Variants in SNW1 observed in about 807,000 individuals in gnomAD.
SNW1 encodes the protein SNW domain containing 1, also known as SNW domain-containing protein 1.
A neutral mutation model predicts 75.6 loss-of-function variants in SNW1; 9 were observed. The ratio of observed to expected loss-of-function variants is 0.12; its 90% confidence interval spans 0.07 to 0.21. The LOEUF (loss-of-function observed/expected upper bound fraction) is 0.21. Ranked by LOEUF, SNW1 falls within the 10% of genes least tolerant of loss-of-function variation. The pLI is 1.00. For synonymous variants in SNW1, 200 were observed against 219.1 expected (o/e 0.91, Z 0.77); for missense variants, 409 against 670.9 (o/e 0.61, Z 4.31).
At chr14:77,758,334 A>AAAG (rs1302064212) in intron 1 of SNW1, among the ~76,000 whole-genome samples, 1 of 148,962 alleles carries the variant, frequency 6.7e-6, no homozygotes, top group Non-Finnish European at 1.5e-5. Flanking sequence ...AAAAAAAAAA[A>AAAG]AAGAACAAAT....
intron 3 of SNW1, among the ~76,000 whole-genome samples, chr14:77,748,186 T>C (rs2139925835): frequency 6.6e-6 from 1 of 152,302 alleles, no homozygotes; most frequent in Non-Finnish European, 1.5e-5. Flanking sequence ...CAAGATGTGC[T>C]TTGTTAAACA....
rs768567088 is a variant in SNW1, at chr14:77,718,512, C to T, written c.1267G>A (p.Ala423Thr). The T allele has an allele frequency of 7.4e-6, 12 of 1,611,342 alleles. No homozygotes were observed. The African/African-American group carries it at 1.1e-4, about 14-fold the overall frequency. ...TTATAAATTTCATCTTCTCCACCTG[C>T]AAATCCACTGTCCATACCCTGTGGA... ...NQSKGMDSGF[A>T]GGEDEIYNVY... Residue 423 changes from alanine to threonine, a missense_variant, in exon 13 of 14, where the codon GCA becomes ACA. Ala to Thr is a moderately conservative substitution (Grantham distance 58, BLOSUM62 0). This residue lies in a region of SNW1 where 126 missense variants were observed against 167.6 expected (regional missense o/e 0.75). Coordinates refer to ENST00000261531, the MANE Select transcript of SNW1 (RefSeq NM_012245.3).
chr14:77,722,164 CAG>C (rs2139892676), intron 11 of SNW1, among the ~76,000 whole-genome samples: 1 of 152,334 alleles, frequency 6.6e-6, no homozygotes, highest in African/African-American at 2.4e-5. Flanking sequence ...AACCCTCACT[CAG>C]AATTCCACCT....
Position 77,751,400 on chromosome 14 carries a change from C to T in SNW1, c.249G>A (p.Ser83=), listed in dbSNP as rs370250547. 1.2e-4 allele frequency: 193 copies of T among 1,613,738 alleles called. 2 individuals are homozygous for T. In the South Asian group the frequency reaches 1.8e-3, roughly 15 times the overall value. ...PLDMGRKKKM[S]NALAIQVDSE... Reference sequence around the variant, plus strand: ...AATCCACCTGAATGGCCAGCGCATTCGACATTTTTTTCTTTCGTCCCATAT... The same window carrying T: ...AATCCACCTGAATGGCCAGCGCATTTGACATTTTTTTCTTTCGTCCCATAT... Residue 83 remains serine (S), a synonymous_variant, in exon 3 of 14, where the codon TCG becomes TCA. Coordinates refer to ENST00000261531, the MANE Select transcript of SNW1 (RefSeq NM_012245.3).
chr14:77,739,142 G>A, intron 3 of SNW1, 81 bp from the exon 4 acceptor site: 1 of 947,020 alleles, frequency 1.1e-6, no homozygotes, highest in Non-Finnish European at 1.7e-6. Context: ...ATGTCAACAT[G>A]CCCTCTCAGC....
intron 10 of SNW1, among the ~76,000 whole-genome samples, chr14:77,724,976 T>C (rs1170283895): frequency 6.6e-6 from 1 of 152,086 alleles, no homozygotes; most frequent in Non-Finnish European, 1.5e-5. Flanking sequence ...AAAAATGTAC[T>C]AGTGTTCCCC....
intron 8 of SNW1, among the ~76,000 whole-genome samples, chr14:77,733,589 C>T (rs924161057): frequency 6.6e-6 from 1 of 151,500 alleles, no homozygotes. Context: ...ACCAAAAATA[C>T]AAAAAAGTAG....
chr14:77,732,553 G>T lies in SNW1; in HGVS notation c.823C>A (p.Leu275Ile). The change falls in exon 9 of 14, where the codon CTA becomes ATA. Residue 275 changes from leucine to isoleucine, a missense_variant. Around this residue, in one of 9 missense-constraint regions of SNW1, gnomAD observed 37 missense variants for 110.0 expected, o/e 0.34. Coordinates refer to ENST00000261531, the MANE Select transcript of SNW1 (RefSeq NM_012245.3). ...TTTTCATTTATGTGTACTGTCTGTA[G>T]TCCTCTTCCATCAGCAGCCAGACGT... is the stretch of plus-strand genomic sequence containing the variant. ...DKRLAADGRG[L>I]QTVHINENFA... is the part of the protein sequence containing the mutation. 6.2e-7 allele frequency: 1 copy of T among 1,613,208 alleles called. No individual in the cohort carries two copies.
chr14:77,732,503 G>C lies in SNW1; in HGVS notation c.873C>G (p.Leu291=). 1.3e-6 allele frequency: 2 copies of C among 1,591,278 alleles called. No individual in the cohort carries two copies. Among genetic ancestry groups the C allele is most frequent in the Non-Finnish European group, 1.7e-6 (2 of 1,159,472 alleles). Residue 291 remains leucine, a synonymous_variant, in exon 9 of 14, where the codon CTC becomes CTG. Coordinates refer to ENST00000261531, the MANE Select transcript of SNW1 (RefSeq NM_012245.3). ...NENFAKLAEA[L]YIADRKAREA... is the part of the protein sequence containing the mutation. ...AACCAACCTTCCGATCAGCAATGTA[G>C]AGGGCTTCTGCCAATTTGGCGAAAT...
chr14:77,754,198 C>A (rs2080828221), intron 2 of SNW1, among the ~76,000 whole-genome samples: 2 of 151,730 alleles, frequency 1.3e-5, no homozygotes, highest in African/African-American at 4.8e-5. Context: ...GCATGCGCCA[C>A]CACACCTGGC....
At chr14:77,730,787 AACTGAAGACCC>A in intron 10 of SNW1, 190 bp downstream of exon 10, 1 of 554,852 alleles carries the variant, frequency 1.8e-6, no homozygotes, top group South Asian at 2.6e-5. Context: ...TACAGTCCCA[AACTGAAGACCC>A]ACTTTTTTCT....
At position 77,718,400 on chromosome 14, in the gene SNW1, C is replaced by A; in HGVS notation, c.1379G>T (p.Gly460Val). The A allele has an allele frequency of 6.2e-7, 1 of 1,614,168 alleles. No homozygotes were observed. Among genetic ancestry groups the A allele is most frequent in the Non-Finnish European group, 8.5e-7 (1 of 1,180,018 alleles). ...PSKNLDKDMY[G>V]DDLEARIKTN... ...CTTTATTCTGGCTTCTAGGTCATCA[C>A]CATACATGTCCTTGTCCAGATTTTT... Residue 460 changes from glycine (G) to valine (V), a missense_variant, in exon 13 of 14, where the codon GGT (glycine) becomes GTT (valine). Around this residue, in one of 9 missense-constraint regions of SNW1, gnomAD observed 126 missense variants for 167.6 expected, o/e 0.75. Transcript: ENST00000261531.
chr14:77,754,023 G>C (rs1038070676), intron 2 of SNW1, among the ~76,000 whole-genome samples: 1 of 151,820 alleles, frequency 6.6e-6, no homozygotes, highest in Non-Finnish European at 1.5e-5. Context: ...GTGCTGCCAA[G>C]GAAGCTTGTT....
intron 1 of SNW1, chr14:77,760,583 A>T: frequency 1.4e-6 from 1 of 690,986 alleles, no homozygotes; most frequent in Non-Finnish European, 2.6e-6. Context: ...GCAGTGGCGC[A>T]TATCAGCAGA....
intron 1 of SNW1, 117 bp downstream of exon 1, chr14:77,760,997 G>T (rs1188248881): frequency 6.2e-7 from 1 of 1,611,714 alleles, no homozygotes; most frequent in Admixed American, 1.7e-5. Context: ...CCGTAGTCTT[G>T]GCCCACGTCA....
chr14:77,740,135 TAA>T (rs1170373918), intron 3 of SNW1, among the ~76,000 whole-genome samples: 1 of 65,180 alleles, frequency 1.5e-5, no homozygotes, highest in Non-Finnish European at 2.9e-5. Flanking sequence ...CACTGTATAT[TAA>T]AAAAAAAAAA....
chr14:77,724,651 G>GTAAT (rs1298185074), intron 10 of SNW1, among the ~76,000 whole-genome samples: 1 of 152,188 alleles, frequency 6.6e-6, no homozygotes, highest in Non-Finnish European at 1.5e-5. Flanking sequence ...ATAACCTTCA[G>GTAAT]TTCCATCCAT....
intron 3 of SNW1, among the ~76,000 whole-genome samples, chr14:77,740,687 G>A (rs1025190445): frequency 6.6e-6 from 1 of 152,090 alleles, no homozygotes; most frequent in African/African-American, 2.4e-5. Context: ...GATTGCCTTA[G>A]TAGTAACCCC....
At chr14:77,751,875 A>G (rs2080812536) in intron 2 of SNW1, among the ~76,000 whole-genome samples, 1 of 151,692 alleles carries the variant, frequency 6.6e-6, no homozygotes, top group Non-Finnish European at 1.5e-5. Context: ...AGCATTTTCT[A>G]GATGGATCAA....
Sources: allele counts gnomAD v4.1 joint callset (sites outside exome capture counted in the v4.1 genomes callset), GRCh38; gene constraint gnomAD v4.1.1; regional missense constraint gnomAD v4.1.1; transcripts MANE v1.5; gene names NCBI Gene and HGNC (gene_info 2026-07-23, HGNC 2026-07-21).